SYTL3: variants seen among roughly 807,000 people sequenced by gnomAD.
SYTL3 encodes synaptotagmin-like protein 3.
In SYTL3, 88 loss-of-function variants were observed where a neutral mutation model predicts 82.1. That is an observed-to-expected ratio of 1.07 (90% CI 0.90 to 1.28). The LOEUF is 1.28. SYTL3 is among the 50% of genes most tolerant of loss of function. The probability of loss-of-function intolerance (pLI) is 0.00; values close to 1 mark genes in which losing one functional copy is unlikely to be tolerated. For missense variants in SYTL3, 831 were observed against 757.6 expected (o/e 1.10, Z -1.14); for synonymous variants, 311 against 289.4 (o/e 1.07, Z -0.76).
intron 6 of SYTL3, among the ~76,000 whole-genome samples, chr6:158,696,394 G>A (rs1361081442): frequency 1.3e-5 from 2 of 150,510 alleles, no homozygotes; most frequent in African/African-American, 4.9e-5. Context: ...TAGTAGAGAT[G>A]GGGTTTCACT....
chr6:158,652,995 G>T (rs973720344), intron 2 of SYTL3, among the ~76,000 whole-genome samples: 1 of 152,154 alleles, frequency 6.6e-6, no homozygotes, highest in African/African-American at 2.4e-5. Flanking sequence ...GGTGTCATTC[G>T]CTTCCCAGAA....
At chr6:158,697,453 CA>C (rs113217163) in intron 6 of SYTL3, among the ~76,000 whole-genome samples, 9,493 of 151,914 alleles carry the variant, frequency 0.062, 808 homozygotes, top group African/African-American at 0.19. Flanking sequence ...GTCAATCAAT[CA>C]GGGGGAAAGA....
At chr6:158,685,959 A>C (rs889234169) in intron 6 of SYTL3, among the ~76,000 whole-genome samples, 5 of 152,228 alleles carry the variant, frequency 3.3e-5, no homozygotes, top group Non-Finnish European at 7.3e-5. Context: ...GTCATTTCTC[A>C]ATGCCAGCTA....
chr6:158,739,533 T>C (rs1562447029), intron 11 of SYTL3, among the ~76,000 whole-genome samples: 1 of 152,182 alleles, frequency 6.6e-6, no homozygotes, highest in South Asian at 2.1e-4. Context: ...TCCAAACATA[T>C]ACTTTTTCAT....
At chr6:158,657,106 A>G (rs180788660) in intron 2 of SYTL3, among the ~76,000 whole-genome samples, 1 of 152,084 alleles carries the variant, frequency 6.6e-6, no homozygotes, top group Admixed American at 6.6e-5. Flanking sequence ...TCAGTTTACT[A>G]ATTAACTCCA....
At chr6:158,646,270 A>T (rs1787452174), upstream of SYTL3, among the ~76,000 whole-genome samples, 1 of 152,154 alleles carries the variant, frequency 6.6e-6, no homozygotes, top group Non-Finnish European at 1.5e-5. Flanking sequence ...GGCTCAAGGT[A>T]TTCTCCTGCC....
rs2128559722 is a variant in SYTL3 at position 158,764,553 on chromosome 6, A to T, written c.1782A>T (p.Lys594Asn). The part of the protein sequence containing the change: ...ACSLSKLQWQ[K>N]VLSSPNLWTD... The stretch of plus-strand genomic sequence containing the variant: ...CACTATCGAAGCTCCAGTGGCAGAA[A>T]GTCCTTTCCAGCCCCAATCTATGGA... The change falls in exon 18 of 18, where the codon AAA (lysine) becomes AAT (asparagine). Residue 594 changes from lysine to asparagine, a missense_variant. Coordinates refer to ENST00000611299, the MANE Select transcript of SYTL3 (RefSeq NM_001242394.2). 1 of 1,614,156 alleles carries T rather than the reference A, an allele frequency of 6.2e-7. No individual in the cohort carries two copies. The highest frequency in any genetic ancestry group is 1.7e-5 in the Admixed American group (1 of 60,028).
At chr6:158,701,203 T>TCTAGGGGAGGAGCCGTGGGAA (rs1562393255) in intron 6 of SYTL3, among the ~76,000 whole-genome samples, 1 of 104,518 alleles carries the variant, frequency 9.6e-6, no homozygotes, top group African/African-American at 4.5e-5. Flanking sequence ...TGAAGGAGTG[T>TCTAGGGGAGGAGCCGTGGGAA]GAGCTGGGGT....
intron 6 of SYTL3, among the ~76,000 whole-genome samples, chr6:158,702,603 G>T (rs2128444380): frequency 6.6e-6 from 1 of 152,116 alleles, no homozygotes; most frequent in Admixed American, 6.6e-5. Context: ...TTGGTTTCCA[G>T]GTGGTCGTTT....
At chr6:158,737,952 C>T (rs1455571976) in intron 11 of SYTL3, among the ~76,000 whole-genome samples, 1 of 152,176 alleles carries the variant, frequency 6.6e-6, no homozygotes, top group African/African-American at 2.4e-5. Flanking sequence ...CAATTTGGGG[C>T]ATGACTCAAC....
chr6:158,715,638 T>TCCC (rs1783307180), intron 9 of SYTL3, among the ~76,000 whole-genome samples: 1 of 15,996 alleles, frequency 6.3e-5, no homozygotes, highest in Non-Finnish European at 1.4e-4. Context: ...GCACCCCCCA[T>TCCC]ACCCCCCCAC....
chr6:158,651,586 C>CAAAT lies in SYTL3; in HGVS notation c.-726-144_-726-141dup, dbSNP rs886903922. 8.9e-4 allele frequency among the ~76,000 whole-genome samples: 135 copies of CAAAT among 151,874 alleles called. 1 individual carries two copies. The highest frequency in any genetic ancestry group is 2.1e-3 in the African/African-American group (87 of 41,448). ...CTGGTGACAGAGCGAGACTCCATCT[C>CAAAT]AAATAAATAAATAAATAAATAAATA... On this transcript the variant is annotated intron_variant, in intron 1 of 17. Coordinates refer to ENST00000611299, the MANE Select transcript of SYTL3 (RefSeq NM_001242394.2).
At chr6:158,680,940 A>G (rs1255486300) in intron 5 of SYTL3, among the ~76,000 whole-genome samples, 1 of 152,192 alleles carries the variant, frequency 6.6e-6, no homozygotes, top group Non-Finnish European at 1.5e-5. Flanking sequence ...ATTTTGAAAA[A>G]CGTGCAGATT....
At chr6:158,751,709 T>C (rs1363932935) in intron 12 of SYTL3, among the ~76,000 whole-genome samples, 1 of 152,204 alleles carries the variant, frequency 6.6e-6, no homozygotes, top group East Asian at 1.9e-4. Flanking sequence ...GAGGGTTATG[T>C]GGCTAGCATT....
chr6:158,695,846 A>G lies in SYTL3; in HGVS notation c.395-11384A>G, dbSNP rs560026401. 5.3e-5 allele frequency among the ~76,000 whole-genome samples: 8 copies of G among 152,310 alleles called. No homozygotes were observed. The South Asian group carries it at 1.7e-3, about 32-fold the overall frequency. On this transcript the variant is annotated intron_variant, in intron 6 of 17. Transcript: ENST00000611299. The stretch of plus-strand genomic sequence containing the variant: ...TCAGGGTTCATTCATGTTGTAGAGC[A>G]TGTATCAGAATTTCATTCCTTTTTG...
At chr6:158,645,703 G>C (rs1291296989), upstream of SYTL3, among the ~76,000 whole-genome samples, 1 of 152,124 alleles carries the variant, frequency 6.6e-6, no homozygotes, top group East Asian at 1.9e-4. Context: ...ACTGTAACCT[G>C]GTCGGTCTAT....
At chr6:158,721,851 T>C (rs1784143992) in intron 10 of SYTL3, among the ~76,000 whole-genome samples, 1 of 151,652 alleles carries the variant, frequency 6.6e-6, no homozygotes, top group African/African-American at 2.4e-5. Flanking sequence ...TAGGGTAGTC[T>C]CAAACTCCTG....
At chr6:158,757,740 G>A (rs1485112883) in intron 14 of SYTL3, among the ~76,000 whole-genome samples, 11 of 152,214 alleles carry the variant, frequency 7.2e-5, no homozygotes, top group Non-Finnish European at 1.2e-4. Context: ...GCAGCTATGC[G>A]GTCCCCCAGG....
intron 11 of SYTL3, among the ~76,000 whole-genome samples, chr6:158,736,753 A>T (rs973859118): frequency 6.7e-6 from 1 of 149,852 alleles, no homozygotes; most frequent in Non-Finnish European, 1.5e-5. Context: ...GTGCCATTGT[A>T]CTCCAGCCTG....
Sources: gnomAD v4.1 joint callset for allele counts (sites outside exome capture counted in the v4.1 genomes callset) on GRCh38, gnomAD v4.1.1 for gene constraint, MANE v1.5 for transcripts, NCBI Gene and HGNC (gene_info 2026-07-23, HGNC 2026-07-21) for gene names.